Variants in RIMS1 observed in about 807,000 individuals in gnomAD.
RIMS1 encodes regulating synaptic membrane exocytosis protein 1.
RIMS1 carries 83 observed loss-of-function variants against 214.1 expected under a neutral mutation model. The ratio of observed to expected loss-of-function variants is 0.39; its 90% CI spans 0.32 to 0.47. RIMS1 has a LOEUF of 0.47. Among genes scored for constraint, RIMS1 ranks in the 20% least tolerant of loss-of-function variants. The pLI is 0.99. For synonymous variants in RIMS1, 793 were observed against 786.8 expected (o/e 1.01, Z -0.13); for missense variants, 2,050 against 2,161.8 (o/e 0.95, Z 1.03).
chr6:72,269,246 C>T (rs956048037), intron 22 of RIMS1, among the ~76,000 whole-genome samples: 1 of 152,132 alleles, frequency 6.6e-6, no homozygotes, highest in African/African-American at 2.4e-5. Context: ...TTACATTACC[C>T]ACCCTGTCAC....
At chr6:72,197,033 G>A (rs2051113756) in intron 6 of RIMS1, among the ~76,000 whole-genome samples, 1 of 151,988 alleles carries the variant, frequency 6.6e-6, no homozygotes, top group South Asian at 2.1e-4. Flanking sequence ...TAAATCCTAG[G>A]TAAATATCAA....
chr6:71,946,080 A>G (rs145568820), intron 1 of RIMS1, among the ~76,000 whole-genome samples: 5 of 152,336 alleles, frequency 3.3e-5, no homozygotes, highest in African/African-American at 1.2e-4. Context: ...TCAAAAAATA[A>G]AATAAAATAC....
intron 2 of RIMS1, among the ~76,000 whole-genome samples, chr6:72,050,193 C>A (rs1011043073): frequency 9.2e-5 from 14 of 152,152 alleles, no homozygotes; most frequent in African/African-American, 2.7e-4. Flanking sequence ...GTGTTCTTGA[C>A]TGTGGCAGAG....
chr6:72,097,731 A>G (rs927366944), intron 3 of RIMS1, among the ~76,000 whole-genome samples: 1 of 152,132 alleles, frequency 6.6e-6, no homozygotes, highest in African/African-American at 2.4e-5. Flanking sequence ...TCTCTATAAG[A>G]TATATTCTTA....
At chr6:72,125,947 G>A (rs993320815) in intron 4 of RIMS1, among the ~76,000 whole-genome samples, 5 of 152,318 alleles carry the variant, frequency 3.3e-5, no homozygotes, top group African/African-American at 1.2e-4. Flanking sequence ...CGCTTCCTGG[G>A]TGAGGCGACC....
At chr6:71,984,779 AT>A in intron 2 of RIMS1, among the ~76,000 whole-genome samples, 1 of 48,422 alleles carries the variant, frequency 2.1e-5, no homozygotes, top group Non-Finnish European at 4.8e-5. Context: ...GTACATATCT[AT>A]CTATCTATCT....
At chr6:72,220,534 A>G (rs1219352449) in intron 6 of RIMS1, among the ~76,000 whole-genome samples, 2 of 152,068 alleles carry the variant, frequency 1.3e-5, no homozygotes, top group Non-Finnish European at 2.9e-5. Flanking sequence ...ACCACTTCTC[A>G]TCTATGGTTA....
chr6:72,202,130 G>A lies in RIMS1; in HGVS notation c.1678+18981G>A, dbSNP rs186738944. Among the ~76,000 whole-genome samples, 339 of 152,270 alleles carry A rather than the reference G, an allele frequency of 2.2e-3. 2 individuals carry two copies. The highest frequency in any genetic ancestry group is 7.8e-3 in the African/African-American group (323 of 41,536). On this transcript the variant is annotated intron_variant, in intron 6 of 33. Coordinates refer to ENST00000521978, the MANE Select transcript of RIMS1 (RefSeq NM_014989.7). ...TTAAAAGCACATGTTTCATCCCAAA[G>A]GGCAGATCTAATTTTAATTCCAGTA...
At chr6:72,108,385 T>C (rs1233616100) in intron 4 of RIMS1, among the ~76,000 whole-genome samples, 1 of 152,132 alleles carries the variant, frequency 6.6e-6, no homozygotes, top group African/African-American at 2.4e-5. Context: ...CCACTGGGCC[T>C]TACCCAGTTC....
chr6:71,928,077 C>A (rs982634670), intron 1 of RIMS1, among the ~76,000 whole-genome samples: 1 of 152,022 alleles, frequency 6.6e-6, no homozygotes, highest in Non-Finnish European at 1.5e-5. Context: ...TGTTAGTGTA[C>A]GAATGAAAAG....
chr6:72,112,299 C>T (rs901030401), intron 4 of RIMS1, among the ~76,000 whole-genome samples: 1 of 151,952 alleles, frequency 6.6e-6, no homozygotes, highest in Admixed American at 6.6e-5. Context: ...CCCTAATTGG[C>T]CTTTCCTTCT....
Position 72,095,116 on chromosome 6 carries a change from ATTTTTT to A in RIMS1, c.246-1818_246-1813del, listed in dbSNP as rs71540328. Among the ~76,000 whole-genome samples, 322 of 98,952 alleles carry A rather than the reference ATTTTTT, an allele frequency of 3.3e-3. 2 individuals carry two copies. The highest frequency in any genetic ancestry group is 5.0e-3 in the Non-Finnish European group (267 of 53,162). 64.9% of individuals were successfully genotyped at this position (98,952 alleles called of 152,430 possible). ...ACAGCCACCGCCACCACGCCCGACT[ATTTTTT>A]TTTTTTTTTTTTTTGTATTTTTAGT... On this transcript the variant is annotated intron_variant, in intron 2 of 33. Coordinates refer to ENST00000521978, the MANE Select transcript of RIMS1 (RefSeq NM_014989.7).
intron 2 of RIMS1, among the ~76,000 whole-genome samples, chr6:72,068,145 AGGGGACCAATTTTTTTGGTCC>A: frequency 6.7e-6 from 1 of 149,534 alleles, no homozygotes; most frequent in South Asian, 2.2e-4. Flanking sequence ...CCCACAGGGC[AGGGGACCAATTTTTTTGGTCC>A]ATGGTAACGA....
At chr6:72,045,068 A>G (rs1167344349) in intron 2 of RIMS1, among the ~76,000 whole-genome samples, 6 of 151,950 alleles carry the variant, frequency 3.9e-5, no homozygotes, top group African/African-American at 7.2e-5. Context: ...AATATCAAAA[A>G]CGTCATGCTA....
chr6:72,059,653 A>G (rs548870520), intron 2 of RIMS1, among the ~76,000 whole-genome samples: 2 of 152,372 alleles, frequency 1.3e-5, no homozygotes, highest in East Asian at 3.9e-4. Context: ...TAATGCCACT[A>G]TACAATTTGA....
chr6:72,222,729 TA>T (rs2058898395), intron 6 of RIMS1, among the ~76,000 whole-genome samples: 1 of 152,214 alleles, frequency 6.6e-6, no homozygotes, highest in Admixed American at 6.5e-5. Flanking sequence ...CCTTTGTTTT[TA>T]ATTAGGAGGG....
intron 4 of RIMS1, among the ~76,000 whole-genome samples, chr6:72,168,680 C>G (rs2046602386): frequency 6.7e-6 from 1 of 149,906 alleles, no homozygotes; most frequent in Non-Finnish European, 1.5e-5. Context: ...TCACCCAACT[C>G]CTGATATCTT....
intron 28 of RIMS1, 133 bp downstream of exon 28, chr6:72,313,805 T>TCG: frequency 1.2e-6 from 1 of 864,692 alleles, no homozygotes; most frequent in Non-Finnish European, 1.7e-6. Flanking sequence ...TACTATGTAG[T>TCG]ATTGCCAACA....
intron 29 of RIMS1, among the ~76,000 whole-genome samples, chr6:72,346,221 AC>A (rs1189945804): frequency 6.6e-6 from 1 of 151,824 alleles, no homozygotes; most frequent in Non-Finnish European, 1.5e-5. Flanking sequence ...ATTCTGGGGA[AC>A]CAAATACAAG....
Sources: allele counts gnomAD v4.1 joint callset (sites outside exome capture counted in the v4.1 genomes callset), GRCh38; gene constraint gnomAD v4.1.1; transcripts MANE v1.5; gene names NCBI Gene and HGNC (gene_info 2026-07-23, HGNC 2026-07-21).